ADAMTSL3: variants seen among roughly 807,000 people sequenced by gnomAD.
The protein encoded by ADAMTSL3 is ADAMTS-like protein 3.
A neutral mutation model predicts 201.7 loss-of-function variants in ADAMTSL3; 128 were observed. The observed-to-expected ratio is 0.63, with a 90% confidence interval of 0.55 to 0.73. The LOEUF is 0.73. Ranked by LOEUF, ADAMTSL3 falls within the 30% of genes least tolerant of loss-of-function variation. The pLI is 0.00. For missense variants in ADAMTSL3, 1,990 were observed against 2,119.6 expected (o/e 0.94, Z 1.20); for synonymous variants, 738 against 748.4 (o/e 0.99, Z 0.23).
At chr15:83,805,175 C>G (rs962583745) in intron 5 of ADAMTSL3, among the ~76,000 whole-genome samples, 3 of 152,180 alleles carry the variant, frequency 2.0e-5, no homozygotes, top group African/African-American at 7.2e-5. Context: ...GGTGACCCAT[C>G]AGCAAATCAC....
chr15:83,759,370 T>C lies in ADAMTSL3; in HGVS notation c.190-14153T>C, dbSNP rs367867813. On this transcript the variant is annotated intron_variant, in intron 3 of 29. Coordinates refer to ENST00000286744, the MANE Select transcript of ADAMTSL3 (RefSeq NM_207517.3). ...CCTCCCGAGTAGCTGGGACTACAGG[T>C]GCCCGCCACCATGCCCAGCTAATTT... 4.7e-3 allele frequency among the ~76,000 whole-genome samples: 709 copies of C among 151,990 alleles called. 3 individuals are homozygous for C. Among genetic ancestry groups the C allele is most frequent in the African/African-American group, 0.016 (683 of 41,480 alleles).
intron 16 of ADAMTSL3, among the ~76,000 whole-genome samples, chr15:83,915,749 G>A (rs773386546): frequency 2.0e-5 from 3 of 152,190 alleles, no homozygotes; most frequent in Non-Finnish European, 2.9e-5. Context: ...TATGTAATAT[G>A]TGGTCCTCTG....
chr15:83,655,569 C>T (rs2061069363), intron 1 of ADAMTSL3, among the ~76,000 whole-genome samples, 160 bp from the exon 2 acceptor site: 1 of 152,200 alleles, frequency 6.6e-6, no homozygotes, highest in Admixed American at 6.5e-5. Flanking sequence ...GCCCAGTTAG[C>T]CTGCACCCTG....
At chr15:83,942,145 C>A (rs2066573156) in intron 17 of ADAMTSL3, among the ~76,000 whole-genome samples, 1 of 152,170 alleles carries the variant, frequency 6.6e-6, no homozygotes, top group Non-Finnish European at 1.5e-5. Flanking sequence ...TGTTGTAAAT[C>A]CAATCCTAAC....
intron 2 of ADAMTSL3, among the ~76,000 whole-genome samples, chr15:83,667,440 C>G (rs1259139105): frequency 6.7e-6 from 1 of 149,138 alleles, no homozygotes; most frequent in East Asian, 2.0e-4. Flanking sequence ...CTTTGTAAAA[C>G]AAACAACAAC....
At position 83,991,201 on chromosome 15, in the gene ADAMTSL3, A is replaced by G; in HGVS notation, c.3960A>G (p.Arg1320=). The change falls in exon 23 of 30, where the codon CGA becomes CGG. Residue 1320 remains arginine, a synonymous_variant. Transcript: ENST00000286744. The part of the protein sequence containing the change: ...EAALGANVTI[R]CPVKGVPQPN... ...CCCTTGGAGCAAACGTGACAATCCGATGTCCTGTAAAAGGTAAGTGTGGTC... is the reference window on the plus strand; with the variant it reads ...CCCTTGGAGCAAACGTGACAATCCGGTGTCCTGTAAAAGGTAAGTGTGGTC... 6.2e-7 allele frequency: 1 copy of G among 1,614,206 alleles called. No homozygotes were observed.
chr15:83,673,652 A>G (rs1345955469), intron 2 of ADAMTSL3, among the ~76,000 whole-genome samples: 7 of 152,196 alleles, frequency 4.6e-5, no homozygotes, highest in African/African-American at 1.7e-4. Flanking sequence ...TTGTCCTTCA[A>G]AAGACACATG....
chr15:83,899,635 T>C lies in ADAMTSL3; in HGVS notation c.1616-12T>C, dbSNP rs1229871134. On this transcript the variant is annotated splice_polypyrimidine_tract_variant and intron_variant, in intron 14 of 29. Coordinates refer to ENST00000286744, the MANE Select transcript of ADAMTSL3 (RefSeq NM_207517.3). Reference sequence around the variant, plus strand: ...GTAATTAGGCTCATTGTTTATGTTCTCTTTTTCTTAGAAAAAAGTCCAGTG... The same window carrying C: ...GTAATTAGGCTCATTGTTTATGTTCCCTTTTTCTTAGAAAAAAGTCCAGTG... The C allele has an allele frequency of 1.2e-6, 2 of 1,608,206 alleles. No homozygotes were observed. Among genetic ancestry groups the C allele is most frequent in the African/African-American group, 2.7e-5 (2 of 74,558 alleles).
intron 3 of ADAMTSL3, among the ~76,000 whole-genome samples, chr15:83,773,280 C>T (rs939223201): frequency 8.6e-5 from 13 of 151,892 alleles, no homozygotes; most frequent in Middle Eastern, 3.4e-3. Context: ...TGGTGGTGGG[C>T]GCCTGTAATC....
At chr15:83,825,543 CA>C (rs1267511065) in intron 6 of ADAMTSL3, among the ~76,000 whole-genome samples, 1 of 151,998 alleles carries the variant, frequency 6.6e-6, no homozygotes, top group Non-Finnish European at 1.5e-5. Context: ...CGCTTGAGTC[CA>C]GGTAGTCGAG....
chr15:83,787,957 C>A, intron 4 of ADAMTSL3, among the ~76,000 whole-genome samples: 1 of 152,080 alleles, frequency 6.6e-6, no homozygotes, highest in Middle Eastern at 3.4e-3. Context: ...ATTATTAATG[C>A]CTTCATTAAA....
At chr15:83,851,344 G>A (rs2064608943) in intron 7 of ADAMTSL3, among the ~76,000 whole-genome samples, 1 of 152,098 alleles carries the variant, frequency 6.6e-6, no homozygotes, top group Non-Finnish European at 1.5e-5. Context: ...TTTTCCTCAA[G>A]TTTGAGGCTT....
chr15:83,753,829 A>G (rs941168905), intron 3 of ADAMTSL3, among the ~76,000 whole-genome samples: 3 of 152,208 alleles, frequency 2.0e-5, no homozygotes, highest in African/African-American at 7.2e-5. Flanking sequence ...CTTGGAAGGG[A>G]TGAAAAACAT....
chr15:83,909,441 T>G (rs2065895381), intron 15 of ADAMTSL3, among the ~76,000 whole-genome samples: 1 of 152,218 alleles, frequency 6.6e-6, no homozygotes, highest in African/African-American at 2.4e-5. Flanking sequence ...GCAGCTTTTC[T>G]GTTTCATGCG....
intron 15 of ADAMTSL3, among the ~76,000 whole-genome samples, chr15:83,902,524 C>G (rs2065747066): frequency 6.6e-6 from 1 of 152,182 alleles, no homozygotes; most frequent in South Asian, 2.1e-4. Flanking sequence ...CCCGCCTCAG[C>G]CCCACAAAGT....
In ADAMTSL3 at chr15:83,838,124, CAAG is replaced by C. The variant is rs1176861215; in HGVS notation, c.637_639del (p.Lys213del). The C allele has an allele frequency of 1.9e-6, 3 of 1,612,452 alleles. No homozygotes were observed. Among genetic ancestry groups the C allele is most frequent in the Non-Finnish European group, 2.5e-6 (3 of 1,179,450 alleles). The stretch of plus-strand genomic sequence containing the variant: ...GCGATCGGCAACTGGGAAGCAATGC[CAAG>C]GAGGACAACTGTGGAGTCTGTGCCG... On this transcript the variant is annotated inframe_deletion, in exon 7 of 30. Coordinates refer to ENST00000286744, the MANE Select transcript of ADAMTSL3 (RefSeq NM_207517.3).
chr15:84,004,621 A>G (rs2141869486), intron 23 of ADAMTSL3, among the ~76,000 whole-genome samples: 1 of 152,272 alleles, frequency 6.6e-6, no homozygotes, highest in East Asian at 1.9e-4. Flanking sequence ...ACTGGGAGTG[A>G]ACTAAAAGCG....
At chr15:83,765,870 T>TA (rs956711579) in intron 3 of ADAMTSL3, among the ~76,000 whole-genome samples, 47 of 151,352 alleles carry the variant, frequency 3.1e-4, no homozygotes, top group Middle Eastern at 6.8e-3. Flanking sequence ...CTTTTCCCTT[T>TA]AAAAAAAAAG....
chr15:83,695,157 T>TGTATGTGCATGTGTGTGTGGTATGTG (rs2061663648), intron 2 of ADAMTSL3, among the ~76,000 whole-genome samples: 1 of 130,480 alleles, frequency 7.7e-6, no homozygotes, highest in Non-Finnish European at 1.7e-5. Flanking sequence ...GGTATGTGTG[T>TGTATGTGCATGTGTGTGTGGTATGTG]GTGTATGTAT....
Sources: gnomAD v4.1 joint callset for allele counts (sites outside exome capture counted in the v4.1 genomes callset) on GRCh38, gnomAD v4.1.1 for gene constraint, MANE v1.5 for transcripts, NCBI Gene and HGNC (gene_info 2026-07-23, HGNC 2026-07-21) for gene names.